Variants in SLC9A8 observed in about 807,000 individuals in gnomAD.
The protein encoded by SLC9A8 is sodium/hydrogen exchanger 8.
In SLC9A8, 48 loss-of-function variants were observed where a neutral mutation model predicts 66.6. The ratio of observed to expected loss-of-function variants is 0.72; its 90% CI spans 0.57 to 0.92. The LOEUF is 0.92. Among genes scored for constraint, SLC9A8 ranks in the 40% least tolerant of loss-of-function variants. The probability of loss-of-function intolerance (pLI) is 0.00; values close to 1 mark genes in which losing one functional copy is unlikely to be tolerated. For missense variants in SLC9A8, 599 were observed against 747.3 expected, an observed-to-expected ratio of 0.80 and a Z score of 2.31; for synonymous variants, 274 against 282.6, an observed-to-expected ratio of 0.97 and a Z score of 0.31.
intron 4 of SLC9A8, 104 bp downstream of exon 4, chr20:49,839,703 T>C: frequency 1.7e-6 from 1 of 601,700 alleles, no homozygotes; most frequent in Non-Finnish European, 2.9e-6. Flanking sequence ...ATTATTATGT[T>C]ATATATCCCA....
rs1056343165 is a variant in SLC9A8 at position 49,890,786 on chromosome 20, CG to C, written c.*2852del. The C allele has an allele frequency of 6.6e-6, 1 of 152,234 alleles. No homozygotes were observed. Among genetic ancestry groups the C allele is most frequent in the African/African-American group, 2.4e-5 (1 of 41,442 alleles). The allele number at this position is 152,234 out of a possible 1,614,324, so 9.4% of individuals were successfully genotyped here. ...TCCAGAGGCAGAACTGAAGCCCTCT[CG>C]GCCCCTACCCTAAGCCAGCCACCCC... On this transcript the variant is annotated 3_prime_UTR_variant, in exon 16 of 16. Transcript: ENST00000361573.
chr20:49,841,777 T>G (rs1252337655), intron 4 of SLC9A8, among the ~76,000 whole-genome samples: 1 of 151,856 alleles, frequency 6.6e-6, no homozygotes, highest in Non-Finnish European at 1.5e-5. Flanking sequence ...GTATTTTTAG[T>G]AGAGACAGGG....
chr20:49,874,184 G>A (rs1215403744), intron 10 of SLC9A8, among the ~76,000 whole-genome samples: 1 of 132,144 alleles, frequency 7.6e-6, no homozygotes, highest in African/African-American at 2.9e-5. Flanking sequence ...AACCTGGGAG[G>A]CAGAGGTTGC....
chr20:49,863,094 A>G lies in SLC9A8; in HGVS notation c.852+27A>G, dbSNP rs1232689936. On this transcript the variant is annotated intron_variant, in intron 9 of 15. Transcript: ENST00000361573. ...TATCCTTTTAATGTGATGAACATGCAGGGTTAAAATTATTCCTGATAACTT... is the reference window on the plus strand; with the variant it reads ...TATCCTTTTAATGTGATGAACATGCGGGGTTAAAATTATTCCTGATAACTT... 4 of 1,586,900 alleles carry G rather than the reference A, an allele frequency of 2.5e-6. No homozygotes were observed. The African/African-American group carries it at 5.4e-5, about 22-fold the overall frequency.
intron 10 of SLC9A8, among the ~76,000 whole-genome samples, chr20:49,872,410 A>G (rs2089248255): frequency 6.6e-6 from 1 of 151,678 alleles, no homozygotes; most frequent in African/African-American, 2.4e-5. Flanking sequence ...GTGTTACAGT[A>G]AGCTTAGCAG....
At chr20:49,860,389 A>G (rs1269532125) in intron 8 of SLC9A8, among the ~76,000 whole-genome samples, 1 of 152,144 alleles carries the variant, frequency 6.6e-6, no homozygotes, top group Non-Finnish European at 1.5e-5. Context: ...TATTTGACCA[A>G]GCTACCTTTT....
chr20:49,842,289 C>T (rs117103634), intron 4 of SLC9A8, among the ~76,000 whole-genome samples: 3,781 of 151,758 alleles, frequency 0.025, 56 homozygotes, highest in East Asian at 0.035. Context: ...AGGCTGGTCT[C>T]GAGCTCCTGA....
At chr20:49,842,510 C>T (rs73123879) in intron 4 of SLC9A8, among the ~76,000 whole-genome samples, 3,791 of 152,276 alleles carry the variant, frequency 0.025, 57 homozygotes, top group East Asian at 0.035. Flanking sequence ...GAGATCAGCA[C>T]GTTGGAGAGA....
chr20:49,823,229 G>T, intron 3 of SLC9A8, 88 bp downstream of exon 3: 1 of 938,874 alleles, frequency 1.1e-6, no homozygotes, highest in Non-Finnish European at 1.7e-6. Flanking sequence ...AACCACAAGA[G>T]ATGCATCACA....
chr20:49,890,053 GC>G lies in SLC9A8; in HGVS notation c.*2118del, dbSNP rs1481298569. On this transcript the variant is annotated 3_prime_UTR_variant, in exon 16 of 16. Transcript: ENST00000361573. ...ATGCTGTGGCGGAAGAGCATGTGGG[GC>G]TTGGTGGAGGGGCCCCAGGATTTGT... is the stretch of plus-strand genomic sequence containing the variant. 1.3e-5 allele frequency: 2 copies of G among 152,228 alleles called. No homozygotes were observed. The highest frequency in any genetic ancestry group is 2.9e-5 in the Non-Finnish European group (2 of 68,076). 9.4% of individuals were successfully genotyped at this position (152,228 alleles called of 1,614,324 possible).
At chr20:49,855,038 C>T (rs1463072451) in intron 7 of SLC9A8, among the ~76,000 whole-genome samples, 2 of 152,126 alleles carry the variant, frequency 1.3e-5, no homozygotes, top group African/African-American at 2.4e-5. Context: ...GGGTCGGTCA[C>T]GGACAGCATT....
chr20:49,879,523 G>A (rs986816107), intron 12 of SLC9A8, among the ~76,000 whole-genome samples: 1 of 152,202 alleles, frequency 6.6e-6, no homozygotes, highest in Non-Finnish European at 1.5e-5. Context: ...AATGTTTGAT[G>A]ATTGGAAACA....
chr20:49,842,073 G>A (rs1350869314), intron 4 of SLC9A8, among the ~76,000 whole-genome samples: 1 of 116,652 alleles, frequency 8.6e-6, no homozygotes, highest in Admixed American at 8.8e-5. Flanking sequence ...TTTTTTTTTT[G>A]CTGGGGAGTG....
chr20:49,820,172 G>A (rs1366546352), intron 2 of SLC9A8, among the ~76,000 whole-genome samples: 1 of 152,100 alleles, frequency 6.6e-6, no homozygotes, highest in Non-Finnish European at 1.5e-5. Context: ...CCATGTTCTT[G>A]CGAACACTTG....
Position 49,888,017 on chromosome 20 carries a change from G to A in SLC9A8, c.*81G>A, listed in dbSNP as rs564865052. ...AGACACTCAGCAGGGGCCTCGCAGA[G>A]ATGCGTGCATCCAGCAGCCCCTTCA... is the stretch of plus-strand genomic sequence containing the variant. On this transcript the variant is annotated 3_prime_UTR_variant, in exon 16 of 16. Transcript: ENST00000361573. 9 of 1,085,248 alleles carry A rather than the reference G, an allele frequency of 8.3e-6. No individual in the cohort carries two copies. In the East Asian group the frequency reaches 1.9e-4, roughly 23 times the overall value. The allele number at this position is 1,085,248 out of a possible 1,614,324, so 67.2% of individuals were successfully genotyped here. A position where few individuals can be genotyped will look rare whatever the true frequency, so the allele number is the denominator to read the frequency against.
chr20:49,833,838 G>C (rs1020973264), intron 3 of SLC9A8, among the ~76,000 whole-genome samples: 1 of 152,162 alleles, frequency 6.6e-6, no homozygotes, highest in African/African-American at 2.4e-5. Flanking sequence ...GAATTGAGGG[G>C]TGTCCTTAAT....
At chr20:49,825,391 A>G (rs2086879605) in intron 3 of SLC9A8, among the ~76,000 whole-genome samples, 1 of 152,220 alleles carries the variant, frequency 6.6e-6, no homozygotes, top group Admixed American at 6.5e-5. Flanking sequence ...CTGTAATTCT[A>G]GCACTTTGGG....
At chr20:49,864,154 T>G (rs1327096964) in intron 9 of SLC9A8, among the ~76,000 whole-genome samples, 1 of 152,202 alleles carries the variant, frequency 6.6e-6, no homozygotes, top group Non-Finnish European at 1.5e-5. Context: ...TGAATGATGT[T>G]TCAATATATA....
At position 49,884,307 on chromosome 20, in the gene SLC9A8, C is replaced by CACACG. The variant is rs1555848506; in HGVS notation, c.1491+245_1491+246insGACAC. Among the ~76,000 whole-genome samples, 35 of 139,578 alleles carry CACACG rather than the reference C, an allele frequency of 2.5e-4. 3 individuals carry two copies. Among genetic ancestry groups the CACACG allele is most frequent in the African/African-American group, 9.4e-4 (34 of 36,076 alleles). The allele number at this position is 139,578 out of a possible 152,430, so 91.6% of individuals were successfully genotyped here. ...CACACACGACACACACACACACACA[C>CACACG]ACACACACACACACACACACACACA... On this transcript the variant is annotated intron_variant, in intron 14 of 15. Coordinates refer to ENST00000361573, the MANE Select transcript of SLC9A8 (RefSeq NM_015266.3).
Sources: allele counts gnomAD v4.1 joint callset (sites outside exome capture counted in the v4.1 genomes callset), GRCh38; gene constraint gnomAD v4.1.1; transcripts MANE v1.5; gene names NCBI Gene and HGNC (gene_info 2026-07-23, HGNC 2026-07-21).